The following APEH variants were observed in gnomAD, a reference collection of about 807,000 sequenced individuals.
APEH encodes the protein acylamino-acid-releasing enzyme.
A neutral mutation model predicts 102.7 loss-of-function variants in APEH; 75 were observed. That is an observed-to-expected ratio of 0.73 (90% CI 0.61 to 0.89). The LOEUF is 0.89. Ranked by LOEUF, APEH falls within the 40% of genes least tolerant of loss-of-function variation. The probability of loss-of-function intolerance (pLI) is 0.00; values close to 1 mark genes in which losing one functional copy is unlikely to be tolerated. For synonymous variants in APEH, 344 were observed against 362.7 expected, an observed-to-expected ratio of 0.95 and a Z score of 0.59; for missense variants, 863 against 941.2, an observed-to-expected ratio of 0.92 and a Z score of 1.09.
At chr3:49,674,956 TG>T (rs2052955690) in intron 2 of APEH, among the ~76,000 whole-genome samples, 1 of 152,042 alleles carries the variant, frequency 6.6e-6, no homozygotes, top group Admixed American at 6.5e-5. Flanking sequence ...GGGTGGATGC[TG>T]GGGTTACTAG....
At position 49,675,962 on chromosome 3, in the gene APEH, G is replaced by C. The variant is rs745828437; in HGVS notation, c.438G>C (p.Glu146Asp). 4 of 1,614,234 alleles carry C rather than the reference G, an allele frequency of 2.5e-6. No homozygotes were observed. The African/African-American group carries it at 4.0e-5, about 16-fold the overall frequency. Residue 146 changes from glutamate (E) to aspartate (D), a missense_variant, in exon 5 of 22, where the codon GAG (glutamate) becomes GAC (aspartate). Transcript: ENST00000296456. ...TGGAGAAACATGGGCCTGTTTATGA[G>C]GATGGTGAGGCATCTGGCTGGTGAG... ...SALEKHGPVY[E>D]DDCFGCLSWS...
rs1375973744 is a variant in APEH at position 49,683,039 on chromosome 3, G to A, written c.1987-1G>A. The A allele has an allele frequency of 2.5e-6, 4 of 1,613,764 alleles. No homozygotes were observed. The highest frequency in any genetic ancestry group is 3.4e-6 in the Non-Finnish European group (4 of 1,179,930). On this transcript the variant is annotated splice_acceptor_variant, in intron 20 of 21. Coordinates refer to ENST00000296456, the MANE Select transcript of APEH (RefSeq NM_001640.4). LOFTEE classifies it high-confidence loss of function. ...CTCCCCACTCTTCCCCAAACACCCA[G>A]GTGAAGACACCACTGTTACTGATGT...
At position 49,676,620 on chromosome 3, in the gene APEH, C is replaced by T. The variant is rs1575468007; in HGVS notation, c.756C>T (p.Ala252=). Residue 252 remains alanine (A), a synonymous_variant, in exon 8 of 22, where the codon GCC becomes GCT. Coordinates refer to ENST00000296456, the MANE Select transcript of APEH (RefSeq NM_001640.4). ...ENVSPGQAFW[A]PGDAGVVFVG... ...GATCCTGTTTACAGGCATTTTGGGC[C>T]CCTGGAGATGCTGGTGTGGTGTTTG... The T allele has an allele frequency of 2.5e-6, 4 of 1,614,210 alleles. No individual in the cohort carries two copies. The East Asian group carries it at 8.9e-5, about 36-fold the overall frequency.
chr3:49,679,911 C>T lies in APEH; in HGVS notation c.1210+267C>T. On this transcript the variant is annotated intron_variant, in intron 13 of 21. Coordinates refer to ENST00000296456, the MANE Select transcript of APEH (RefSeq NM_001640.4). The surrounding 1 kb of genome is among the most constrained non-coding windows in gnomAD (Gnocchi z 4.3). ...TCCTGGCCCAGCCTCAGCACGGCCC[C>T]CACCTCTGCTCCTAAAACCCACAAA... 3 of 399,386 alleles carry T rather than the reference C, an allele frequency of 7.5e-6. No individual in the cohort carries two copies. The highest frequency in any genetic ancestry group is 2.8e-5 in the South Asian group (1 of 36,036). 24.7% of individuals were successfully genotyped at this position (399,386 alleles called of 1,614,324 possible).
chr3:49,678,700 G>A (rs577214400), intron 11 of APEH, 152 bp from the exon 12 acceptor site: 6 of 667,866 alleles, frequency 9.0e-6, no homozygotes, highest in East Asian at 2.7e-5. Flanking sequence ...TCCTCATCGC[G>A]TAGCGTGCCC....
chr3:49,676,999 A>G lies in APEH; in HGVS notation c.974A>G (p.His325Arg). The G allele has an allele frequency of 6.2e-7, 1 of 1,614,050 alleles. No homozygotes were observed. The highest frequency in any genetic ancestry group is 8.5e-7 in the Non-Finnish European group (1 of 1,180,010). The change falls in exon 10 of 22, where the codon CAT (histidine) becomes CGT (arginine). Residue 325 changes from histidine to arginine, a missense_variant. Transcript: ENST00000296456. ...CTGCAGTACCCATCTCTGATCCCCC[A>G]TCACCAATGCAGCCAGCTGTGCCTG... ...VYLQYPSLIP[H>R]HQCSQLCLYD...
At chr3:49,673,807 G>GCTCACC (rs1472707278), upstream of APEH, among the ~76,000 whole-genome samples, 2 of 123,182 alleles carry the variant, frequency 1.6e-5, no homozygotes, top group Non-Finnish European at 3.1e-5. Context: ...TCACCCTCAC[G>GCTCACC]CTCACGCTCA....
intron 14 of APEH, 125 bp downstream of exon 14, chr3:49,680,754 C>T: frequency 1.2e-6 from 1 of 866,620 alleles, no homozygotes; most frequent in Non-Finnish European, 1.8e-6. Flanking sequence ...AAGACACAGG[C>T]CCAGCTTGGC....
chr3:49,673,194 A>G (rs907332397), upstream of APEH, among the ~76,000 whole-genome samples: 1 of 148,400 alleles, frequency 6.7e-6, no homozygotes, highest in African/African-American at 2.5e-5. Flanking sequence ...GTGGACTCTC[A>G]ATCACAAGCA....
chr3:49,676,022 T>C (rs1168868875), intron 5 of APEH, 34 bp from the exon 6 acceptor site: 1 of 1,614,042 alleles, frequency 6.2e-7, no homozygotes, highest in Non-Finnish European at 8.5e-7. Flanking sequence ...GCCGTAGCCC[T>C]GGGCCCCCCC....
At chr3:49,677,062 A>G in intron 10 of APEH, 38 bp downstream of exon 10, 1 of 1,613,200 alleles carries the variant, frequency 6.2e-7, no homozygotes, top group Non-Finnish European at 8.5e-7. Flanking sequence ...GGTGGTCAGC[A>G]AGAAGATGGG....
upstream of APEH, chr3:49,673,977 C>T (rs147710853): frequency 6.2e-3 from 1,481 of 239,590 alleles, 21 homozygotes; most frequent in African/African-American, 0.032. Flanking sequence ...CGTCCGACCG[C>T]GCTGCTTCCG....
Position 49,674,517 on chromosome 3 carries a change from C to A in APEH, c.41C>A (p.Ala14Glu), listed in dbSNP as rs201948108. ...QVLLSEPEEAAALYRGLSRQP... is the reference protein window; with the variant it reads ...QVLLSEPEEAEALYRGLSRQP... ...CTGCTGAGCGAGCCCGAGGAGGCGG[C>A]GGCTCTGTATCGGGGCCTTAGCCGC... Residue 14 changes from alanine to glutamate, a missense_variant, in exon 2 of 22, where the codon GCG (alanine) becomes GAG (glutamate). Ala to Glu is a moderately radical substitution (Grantham distance 107, BLOSUM62 -1). Transcript: ENST00000296456. The A allele has an allele frequency of 1.3e-6, 2 of 1,565,040 alleles. No individual in the cohort carries two copies. The highest frequency in any genetic ancestry group is 8.6e-7 in the Non-Finnish European group (1 of 1,162,884).
chr3:49,676,588 G>A (rs531870832), intron 7 of APEH, 21 bp from the exon 8 acceptor site: 1 of 1,614,242 alleles, frequency 6.2e-7, no homozygotes, highest in East Asian at 2.2e-5. Context: ...GCTCACTCCT[G>A]CCCTTTGATC....
At chr3:49,677,492 A>T in intron 10 of APEH, 81 bp from the exon 11 acceptor site, 1 of 1,340,934 alleles carries the variant, frequency 7.5e-7, no homozygotes, top group Non-Finnish European at 1.1e-6. Context: ...TACCTGAGGC[A>T]AAAGGGGATA....
Position 49,681,758 on chromosome 3 carries a change from G to A in APEH, c.1475G>A (p.Gly492Asp). The change falls in exon 16 of 22, where the codon GGC becomes GAC. Residue 492 changes from glycine to aspartate, a missense_variant. Physicochemically the swap from Gly to Asp is moderately conservative, Grantham distance 94 (BLOSUM62 -1). Transcript: ENST00000296456. ...TTTGAAGCAATCCTGCTGCAGCCTG[G>A]CAGCCCTCCAGATAAGACCCAAGTG... ...LDFEAILLQPGSPPDKTQVPM... is the reference protein window; with the variant it reads ...LDFEAILLQPDSPPDKTQVPM... 1.2e-6 allele frequency: 2 copies of A among 1,606,372 alleles called. No individual in the cohort carries two copies. The highest frequency in any genetic ancestry group is 1.1e-5 in the South Asian group (1 of 90,106).
chr3:49,682,230 C>T lies in APEH; in HGVS notation c.1604-118C>T. ...AATCTCTGAGTCCCTTCCCCTTGAC[C>T]CCTTGACAGTCTGTGGTATAGCTGG... is the stretch of plus-strand genomic sequence containing the variant. On this transcript the variant is annotated intron_variant, in intron 17 of 21. Transcript: ENST00000296456. 6.3e-6 allele frequency: 7 copies of T among 1,111,174 alleles called. No individual in the cohort carries two copies. The South Asian group carries it at 1.0e-4, about 16-fold the overall frequency. The allele number at this position is 1,111,174 out of a possible 1,614,324, so 68.8% of individuals were successfully genotyped here. A position where few individuals can be genotyped will look rare whatever the true frequency, so the allele number is the denominator to read the frequency against.
Position 49,676,406 on chromosome 3 carries a change from G to A in APEH, c.635G>A (p.Trp212Ter). The A allele has an allele frequency of 6.2e-7, 1 of 1,614,190 alleles. No homozygotes were observed. Among genetic ancestry groups the A allele is most frequent in the East Asian group, 2.2e-5 (1 of 44,888 alleles). ...GATCAGTTTGTGTTTTATGAAGACT[G>A]GGGAGAAAACATGGTTTCCAAAAGC... ...KGDQFVFYED[W>*]GENMVSKSIP... Residue 212 changes from tryptophan (W) to a stop codon, truncating the protein, a stop_gained, in exon 7 of 22, where the codon TGG (tryptophan) becomes TAG (stop). Coordinates refer to ENST00000296456, the MANE Select transcript of APEH (RefSeq NM_001640.4). LOFTEE classifies it high-confidence loss of function.
intron 14 of APEH, 111 bp downstream of exon 14, chr3:49,680,740 G>A (rs2053281081): frequency 1.0e-6 from 1 of 989,354 alleles, no homozygotes; most frequent in African/African-American, 1.6e-5. Context: ...CATACAGACG[G>A]GCCAAGACAC....
Sources: allele counts gnomAD v4.1 joint callset (sites outside exome capture counted in the v4.1 genomes callset), GRCh38; gene constraint gnomAD v4.1.1; non-coding constraint Gnocchi (gnomAD v3.1); transcripts MANE v1.5; gene names NCBI Gene and HGNC (gene_info 2026-07-23, HGNC 2026-07-21).